PDE3A: variants seen among roughly 807,000 people sequenced by gnomAD.
PDE3A encodes cGMP-inhibited 3',5'-cyclic phosphodiesterase 3A.
A neutral mutation model predicts 98.3 loss-of-function variants in PDE3A; 43 were observed. That is an observed-to-expected ratio of 0.44 (90% CI 0.34 to 0.56). The LOEUF (loss-of-function observed/expected upper bound fraction) is 0.56. Ranked by LOEUF, PDE3A falls within the 20% of genes least tolerant of loss-of-function variation. PDE3A has a pLI of 0.01. For synonymous variants in PDE3A, 663 were observed against 567.9 expected (o/e 1.17, Z -2.38); for missense variants, 1,427 against 1,440.7 (o/e 0.99, Z 0.15).
intron 1 of PDE3A, among the ~76,000 whole-genome samples, chr12:20,554,416 T>TA (rs140300150): frequency 0.41 from 61,591 of 150,336 alleles, 14,522 homozygotes; most frequent in East Asian, 0.59. Flanking sequence ...ATTTTTTTTT[T>TA]ATTTCCCAAG....
At chr12:20,443,023 G>A (rs946154344) in intron 1 of PDE3A, among the ~76,000 whole-genome samples, 4 of 151,882 alleles carry the variant, frequency 2.6e-5, no homozygotes, top group African/African-American at 9.7e-5. Flanking sequence ...TAATGGTAGT[G>A]AACAGAGTTT....
chr12:20,653,737 A>G (rs1944974398), intron 14 of PDE3A, among the ~76,000 whole-genome samples: 1 of 152,196 alleles, frequency 6.6e-6, no homozygotes, highest in Non-Finnish European at 1.5e-5. Flanking sequence ...TAGAATTTAG[A>G]CTTTCTGTAT....
intron 2 of PDE3A, among the ~76,000 whole-genome samples, chr12:20,573,383 C>T (rs1942848245): frequency 6.6e-6 from 1 of 151,928 alleles, no homozygotes; most frequent in Non-Finnish European, 1.5e-5. Context: ...GACAGATGAA[C>T]TTTTGGTTCT....
chr12:20,427,163 G>C (rs1462165903), intron 1 of PDE3A, among the ~76,000 whole-genome samples: 1 of 152,168 alleles, frequency 6.6e-6, no homozygotes, highest in Non-Finnish European at 1.5e-5. Context: ...ATGCATGTCA[G>C]CAAAAATAGT....
intron 2 of PDE3A, among the ~76,000 whole-genome samples, chr12:20,587,284 G>A (rs139422000): frequency 0.015 from 2,220 of 152,218 alleles, 44 homozygotes; most frequent in African/African-American, 0.049. Context: ...CAGAAGAATC[G>A]CTTGAACGCG....
intron 1 of PDE3A, among the ~76,000 whole-genome samples, chr12:20,540,597 A>G (rs1015649740): frequency 6.6e-5 from 10 of 152,092 alleles, no homozygotes; most frequent in African/African-American, 2.4e-4. Context: ...TACTCCTGTA[A>G]AGTGACGATA....
At chr12:20,499,509 C>T (rs1309912405) in intron 1 of PDE3A, among the ~76,000 whole-genome samples, 1 of 152,036 alleles carries the variant, frequency 6.6e-6, no homozygotes, top group Non-Finnish European at 1.5e-5. Context: ...ATTTAAGGGT[C>T]AACTGTTAGT....
intron 1 of PDE3A, among the ~76,000 whole-genome samples, chr12:20,404,510 CTTTA>C (rs974372192): frequency 3.4e-4 from 52 of 152,042 alleles, no homozygotes; most frequent in Non-Finnish European, 1.2e-4. Context: ...TTAATTTTTT[CTTTA>C]TTCTGAGTTC....
chr12:20,531,672 A>G (rs551773809), intron 1 of PDE3A, among the ~76,000 whole-genome samples: 12 of 151,610 alleles, frequency 7.9e-5, no homozygotes, highest in South Asian at 6.2e-4. Flanking sequence ...ATTCTGTTGG[A>G]AAAAAAAATT....
Position 20,686,327 on chromosome 12 carries a change from A to G in PDE3A, c.*6056A>G, listed in dbSNP as rs1945960310. ...ATTGTTTTGTGTTGTTATAAAATAA[A>G]TGTTCTATTAATGTATATTTTATTT... On this transcript the variant is annotated 3_prime_UTR_variant, in exon 16 of 16. Transcript: ENST00000359062. Among the ~76,000 whole-genome samples, 1 of 152,162 alleles carries G rather than the reference A, an allele frequency of 6.6e-6. No homozygotes were observed. Among genetic ancestry groups the G allele is most frequent in the South Asian group, 2.1e-4 (1 of 4,834 alleles).
intron 1 of PDE3A, among the ~76,000 whole-genome samples, chr12:20,400,378 GGTTTTTTTTTTTTTTTTT>G (rs1188905629): frequency 1.6e-4 from 17 of 106,110 alleles, no homozygotes; most frequent in African/African-American, 5.4e-4. Context: ...CGTTAACATT[GGTTTTTTTTTTTTTTTTT>G]TTTTTTTTTT....
intron 1 of PDE3A, among the ~76,000 whole-genome samples, chr12:20,522,469 A>G (rs1053318741): frequency 2.0e-5 from 3 of 152,234 alleles, no homozygotes; most frequent in South Asian, 2.1e-4. Context: ...ATTATTAAGT[A>G]TGCCAGAAAA....
At position 20,639,941 on chromosome 12, in the gene PDE3A, A is replaced by C. The variant is rs1424498018; in HGVS notation, c.2235A>C (p.Gly745=). The change falls in exon 10 of 16, where the codon GGA becomes GGC. Residue 745 remains glycine (G), a synonymous_variant. Coordinates refer to ENST00000359062, the MANE Select transcript of PDE3A (RefSeq NM_000921.5). The stretch of plus-strand genomic sequence containing the variant: ...ATTATTTTCATGCTTTGGAGATTGG[A>C]TATAGGGATATTCCTTGTAAGTATA... The part of the protein sequence containing the change: ...FMNYFHALEI[G]YRDIPYHNRI... The C allele has an allele frequency of 7.4e-7, 1 of 1,346,970 alleles. No homozygotes were observed. The highest frequency in any genetic ancestry group is 1.1e-6 in the Non-Finnish European group (1 of 937,838). The allele number at this position is 1,346,970 out of a possible 1,614,324, so 83.4% of individuals were successfully genotyped here.
Position 20,562,999 on chromosome 12 carries a change from G to T in PDE3A, c.1011+6289G>T, listed in dbSNP as rs140474584. ...ATGACCCATGGCCTATTTTGGAGCA[G>T]GTCTTTAGTGGTTTAACAAGTCCTG... On this transcript the variant is annotated intron_variant, in intron 2 of 15. Transcript: ENST00000359062. 3.5e-3 allele frequency among the ~76,000 whole-genome samples: 528 copies of T among 152,258 alleles called. 4 individuals are homozygous for T. Among genetic ancestry groups the T allele is most frequent in the African/African-American group, 0.012 (497 of 41,550 alleles).
At chr12:20,650,633 G>A (rs769198419) in intron 14 of PDE3A, 33 bp downstream of exon 14, 2 of 1,402,564 alleles carry the variant, frequency 1.4e-6, no homozygotes, top group Non-Finnish European at 2.0e-6. Flanking sequence ...AGCTTAATCT[G>A]TACTTACAGG....
At chr12:20,639,059 C>T (rs1374522831) in intron 9 of PDE3A, among the ~76,000 whole-genome samples, 1 of 152,048 alleles carries the variant, frequency 6.6e-6, no homozygotes, top group Non-Finnish European at 1.5e-5. Context: ...TCTTCAAGTT[C>T]TCCAAATGAG....
intron 14 of PDE3A, among the ~76,000 whole-genome samples, chr12:20,653,722 T>C (rs143740175): frequency 3.3e-4 from 51 of 152,320 alleles, no homozygotes; most frequent in African/African-American, 1.2e-3. Context: ...CATCTACTTA[T>C]ACATTAGAAT....
intron 1 of PDE3A, among the ~76,000 whole-genome samples, chr12:20,493,872 C>T (rs1004038774): frequency 3.9e-5 from 6 of 152,154 alleles, no homozygotes; most frequent in Non-Finnish European, 8.8e-5. Flanking sequence ...TCAGGTGATC[C>T]GCCTGCCTCG....
intron 1 of PDE3A, among the ~76,000 whole-genome samples, chr12:20,465,905 C>CA: frequency 6.6e-6 from 1 of 152,024 alleles, no homozygotes; most frequent in Non-Finnish European, 1.5e-5. Flanking sequence ...CAACTTGTGC[C>CA]AAAAAATATT....
Sources: gnomAD v4.1 joint callset for allele counts (sites outside exome capture counted in the v4.1 genomes callset) on GRCh38, gnomAD v4.1.1 for gene constraint, MANE v1.5 for transcripts, NCBI Gene and HGNC (gene_info 2026-07-23, HGNC 2026-07-21) for gene names.